Variants in SDHAF4 observed in about 807,000 individuals in gnomAD.
The protein encoded by SDHAF4 is succinate dehydrogenase complex assembly factor 4.
In SDHAF4, 14 loss-of-function variants were observed where a neutral mutation model predicts 14.3. The ratio of observed to expected loss-of-function variants is 0.98; its 90% CI spans 0.65 to 1.53. The LOEUF is 1.53. Ranked by LOEUF, SDHAF4 falls within the 40% of genes most tolerant of loss-of-function variation. SDHAF4 has a pLI of 0.00. For missense variants in SDHAF4, 141 were observed against 129.3 expected, an observed-to-expected ratio of 1.09 and a Z score of -0.44; for synonymous variants, 63 against 47.3, an observed-to-expected ratio of 1.33 and a Z score of -1.36.
the SDHAF4 span, chr6:70,596,400 C>A: frequency 6.6e-6 from 1 of 152,204 alleles, no homozygotes; most frequent in Non-Finnish European, 1.5e-5. Flanking sequence ...TTCTTCCTAC[C>A]CCATTCTCCT....
intron 1 of SDHAF4, among the ~76,000 whole-genome samples, chr6:70,577,144 A>G (rs763496816): frequency 6.6e-6 from 1 of 152,064 alleles, no homozygotes; most frequent in Non-Finnish European, 1.5e-5. Flanking sequence ...TTCCCTTTCA[A>G]AGGACCCTTG....
chr6:70,573,676 T>A (rs1245296354), intron 1 of SDHAF4, among the ~76,000 whole-genome samples: 1 of 151,370 alleles, frequency 6.6e-6, no homozygotes, highest in Non-Finnish European at 1.5e-5. Flanking sequence ...TTCTTTTTTT[T>A]ATTTTTTTTT....
chr6:70,575,238 C>T (rs768773516), intron 1 of SDHAF4, among the ~76,000 whole-genome samples: 2 of 152,118 alleles, frequency 1.3e-5, no homozygotes, highest in African/African-American at 2.4e-5. Context: ...ATTAGCTCAG[C>T]GTATTGGTGG....
intron 1 of SDHAF4, among the ~76,000 whole-genome samples, chr6:70,577,229 T>A (rs1298734255): frequency 6.6e-6 from 1 of 152,232 alleles, no homozygotes; most frequent in East Asian, 1.9e-4. Flanking sequence ...ACCTTAATTC[T>A]GTCTGCTACC....
chr6:70,591,334 A>AC (rs1765256110), downstream of SDHAF4, among the ~76,000 whole-genome samples: 1 of 101,230 alleles, frequency 9.9e-6, no homozygotes, highest in Non-Finnish European at 2.0e-5. Flanking sequence ...GAGAGGAAAG[A>AC]TTTTTTTTTT....
chr6:70,576,750 C>G (rs1802260520), intron 1 of SDHAF4, among the ~76,000 whole-genome samples: 1 of 152,140 alleles, frequency 6.6e-6, no homozygotes, highest in African/African-American at 2.4e-5. Context: ...TATCACTATC[C>G]TAAAGGCATA....
chr6:70,578,419 G>T (rs904875457), intron 1 of SDHAF4, among the ~76,000 whole-genome samples: 1 of 152,052 alleles, frequency 6.6e-6, no homozygotes, highest in African/African-American at 2.4e-5. Context: ...TTTTAGTGCG[G>T]TTGTTGTTTG....
chr6:70,568,836 G>A (rs971193040), intron 1 of SDHAF4, among the ~76,000 whole-genome samples: 1 of 151,828 alleles, frequency 6.6e-6, no homozygotes, highest in Admixed American at 6.6e-5. Flanking sequence ...TTTGCCTTAG[G>A]TTTTAATTTT....
rs1802279465 is a variant in SDHAF4 at position 70,578,183 on chromosome 6, T to G, written c.65-1231T>G. 6.6e-5 allele frequency among the ~76,000 whole-genome samples: 10 copies of G among 152,338 alleles called. No individual in the cohort carries two copies. In the South Asian group the frequency reaches 2.1e-3, roughly 32 times the overall value. ...CCACAGTGGCTGAACTAAGATACAT[T>G]CCCACTAGCAGTGTATACGCATTCC... On this transcript the variant is annotated intron_variant, in intron 1 of 2. Transcript: ENST00000370474.
downstream of SDHAF4, among the ~76,000 whole-genome samples, chr6:70,591,268 T>C (rs1330775041): frequency 6.6e-6 from 1 of 151,728 alleles, no homozygotes; most frequent in Non-Finnish European, 1.5e-5. Flanking sequence ...TACTTCTCAG[T>C]AAGTGTTAAC....
At chr6:70,579,979 A>C (rs1802300406) in intron 2 of SDHAF4, among the ~76,000 whole-genome samples, 2 of 152,320 alleles carry the variant, frequency 1.3e-5, no homozygotes, top group African/African-American at 4.8e-5. Flanking sequence ...AAAGGACTCC[A>C]ATAACTCAAC....
At chr6:70,571,747 C>T (rs1177962567) in intron 1 of SDHAF4, among the ~76,000 whole-genome samples, 4 of 152,160 alleles carry the variant, frequency 2.6e-5, no homozygotes, top group Non-Finnish European at 5.9e-5. Flanking sequence ...TACAACTCAC[C>T]TGCAAAACTG....
chr6:70,570,244 A>G (rs1390226995), intron 1 of SDHAF4, among the ~76,000 whole-genome samples: 1 of 152,206 alleles, frequency 6.6e-6, no homozygotes, highest in Non-Finnish European at 1.5e-5. Context: ...TAATTTAAAT[A>G]ATTTACTTTG....
chr6:70,569,291 G>C (rs561575236), intron 1 of SDHAF4, among the ~76,000 whole-genome samples: 6 of 148,312 alleles, frequency 4.0e-5, no homozygotes, highest in African/African-American at 1.5e-4. Flanking sequence ...TTTTTGAGAC[G>C]GAGTTTCACT....
chr6:70,569,011 G>T (rs1199189085), intron 1 of SDHAF4, among the ~76,000 whole-genome samples: 2 of 140,518 alleles, frequency 1.4e-5, no homozygotes, highest in Non-Finnish European at 3.0e-5. Context: ...TGTCGCCCGG[G>T]CTGGAGTGCA....
At chr6:70,579,298 T>C in intron 1 of SDHAF4, 116 bp from the exon 2 acceptor site, 1 of 869,908 alleles carries the variant, frequency 1.1e-6, no homozygotes, top group East Asian at 3.3e-5. Flanking sequence ...TTTTGTACTT[T>C]TTGAACTTTG....
chr6:70,573,180 T>C (rs1000455519), intron 1 of SDHAF4, among the ~76,000 whole-genome samples: 1 of 152,076 alleles, frequency 6.6e-6, no homozygotes, highest in African/African-American at 2.4e-5. Context: ...CATTTGTCTC[T>C]ATGCGTTTTT....
chr6:70,572,058 C>CTTTTTTTTTTT (rs66688860), intron 1 of SDHAF4, among the ~76,000 whole-genome samples: 25 of 53,514 alleles, frequency 4.7e-4, no homozygotes, highest in Non-Finnish European at 6.1e-4. Context: ...CTTTTTTTGT[C>CTTTTTTTTTTT]TTTTTTTTTT....
chr6:70,571,481 A>C (rs1019223804), intron 1 of SDHAF4, among the ~76,000 whole-genome samples: 3 of 152,042 alleles, frequency 2.0e-5, no homozygotes, highest in African/African-American at 7.2e-5. Context: ...CTCCCAGCTA[A>C]TTTTTGTATT....
Sources: allele counts gnomAD v4.1 joint callset (sites outside exome capture counted in the v4.1 genomes callset), GRCh38; gene constraint gnomAD v4.1.1; transcripts MANE v1.5; gene names NCBI Gene and HGNC (gene_info 2026-07-23, HGNC 2026-07-21).